Variants in MAP2K5 observed in about 807,000 individuals in gnomAD.
MAP2K5 encodes mitogen-activated protein kinase kinase 5.
A neutral mutation model predicts 83.1 loss-of-function variants in MAP2K5; 49 were observed. The ratio of observed to expected loss-of-function variants is 0.59; its 90% CI spans 0.47 to 0.75. MAP2K5 has a LOEUF of 0.75. Ranked by LOEUF, MAP2K5 falls within the 30% of genes least tolerant of loss-of-function variation. The pLI is 0.00. For synonymous variants in MAP2K5, 202 were observed against 191.8 expected (o/e 1.05, Z -0.44); for missense variants, 457 against 557.5 (o/e 0.82, Z 1.82).
At chr15:67,630,262 A>C (rs1936896013) in intron 8 of MAP2K5, among the ~76,000 whole-genome samples, 1 of 152,194 alleles carries the variant, frequency 6.6e-6, no homozygotes, top group South Asian at 2.1e-4. Flanking sequence ...TCAGATAAAC[A>C]CAAAAGGTCT....
chr15:67,674,304 G>A (rs1661833623), intron 13 of MAP2K5, among the ~76,000 whole-genome samples: 1 of 152,024 alleles, frequency 6.6e-6, no homozygotes, highest in Non-Finnish European at 1.5e-5. Context: ...TAATCAGATG[G>A]GTCTGGAAGG....
chr15:67,610,289 C>T (rs1324337138), intron 8 of MAP2K5, among the ~76,000 whole-genome samples: 1 of 152,158 alleles, frequency 6.6e-6, no homozygotes, highest in Non-Finnish European at 1.5e-5. Context: ...ACAGTTATGA[C>T]AACATAACTT....
chr15:67,583,679 G>A lies in MAP2K5; in HGVS notation c.323-2211G>A, dbSNP rs2085231466. Among the ~76,000 whole-genome samples the A allele has an allele frequency of 3.3e-5, 5 of 152,184 alleles. No individual in the cohort carries two copies. The South Asian group carries it at 1.0e-3, about 32-fold the overall frequency. ...CCTCAGATCTTAAATTTTATGGTTA[G>A]GCCCCATGTTAAAAAGAATCTTTAG... On this transcript the variant is annotated intron_variant, in intron 4 of 21. Transcript: ENST00000178640.
intron 3 of MAP2K5, among the ~76,000 whole-genome samples, chr15:67,570,152 G>T (rs1248821266): frequency 6.6e-6 from 1 of 152,210 alleles, no homozygotes; most frequent in Non-Finnish European, 1.5e-5. Flanking sequence ...TAGCCAATTT[G>T]AATTTCATCT....
intron 17 of MAP2K5, among the ~76,000 whole-genome samples, chr15:67,743,496 T>C (rs1418192617): frequency 2.6e-5 from 4 of 152,254 alleles, no homozygotes; most frequent in African/African-American, 4.8e-5. Flanking sequence ...TCTTCACATA[T>C]CAGTTTGCTA....
intron 1 of MAP2K5, among the ~76,000 whole-genome samples, chr15:67,545,148 T>C (rs2084366357): frequency 6.6e-6 from 1 of 152,204 alleles, no homozygotes; most frequent in African/African-American, 2.4e-5. Context: ...CACCTGTCCT[T>C]CCAAGCCAAG....
rs2090564224 is a variant in MAP2K5 at position 67,794,110 on chromosome 15, G to C, written c.1243-12536G>C. Among the ~76,000 whole-genome samples, 1 of 152,226 alleles carries C rather than the reference G, an allele frequency of 6.6e-6. No homozygotes were observed. Among genetic ancestry groups the C allele is most frequent in the Non-Finnish European group, 1.5e-5 (1 of 68,038 alleles). ...TGGCCAGCTTATTTGTAACCAAAGT[G>C]TGCTCCCTCAGTCATTCATTCTGCC... On this transcript the variant is annotated intron_variant, in intron 21 of 21. Coordinates refer to ENST00000178640, the MANE Select transcript of MAP2K5 (RefSeq NM_145160.3). This position sits in a 1 kb window ranked among gnomAD's most constrained non-coding sequence, Gnocchi z 4.6.
rs1215507710 is a variant in MAP2K5, at chr15:67,775,704, T to A, written c.1242+2952T>A. The stretch of plus-strand genomic sequence containing the variant: ...TCTGGGGAAATGAGGAAAAACTGGG[T>A]AGAGAAGGTAGCATTTGAAAAGGGC... On this transcript the variant is annotated intron_variant, in intron 21 of 21. Coordinates refer to ENST00000178640, the MANE Select transcript of MAP2K5 (RefSeq NM_145160.3). The surrounding 1 kb of genome is among the most constrained non-coding windows in gnomAD (Gnocchi z 5.3). Among the ~76,000 whole-genome samples the A allele has an allele frequency of 6.6e-6, 1 of 152,122 alleles. No individual in the cohort carries two copies. The highest frequency in any genetic ancestry group is 2.4e-5 in the African/African-American group (1 of 41,418).
chr15:67,637,298 A>G lies in MAP2K5; in HGVS notation c.585+6371A>G, dbSNP rs1014194073. On this transcript the variant is annotated intron_variant, in intron 9 of 21. Coordinates refer to ENST00000178640, the MANE Select transcript of MAP2K5 (RefSeq NM_145160.3). This position sits in a 1 kb window ranked among gnomAD's most constrained non-coding sequence, Gnocchi z 4.5. ...CCTATTAGTTCTGTCCCTCTAGAGA[A>G]CCCTGACTAATACAGAGATGGTATT... 4.6e-5 allele frequency among the ~76,000 whole-genome samples: 7 copies of G among 152,138 alleles called. No homozygotes were observed. The highest frequency in any genetic ancestry group is 1.7e-4 in the African/African-American group (7 of 41,418).
chr15:67,640,802 C>T lies in MAP2K5; in HGVS notation c.586-5429C>T, dbSNP rs569594369. Among the ~76,000 whole-genome samples, 2 of 152,148 alleles carry T rather than the reference C, an allele frequency of 1.3e-5. No homozygotes were observed. The highest frequency in any genetic ancestry group is 1.9e-4 in the East Asian group (1 of 5,184). On this transcript the variant is annotated intron_variant, in intron 9 of 21. Transcript: ENST00000178640. This position sits in a 1 kb window ranked among gnomAD's most constrained non-coding sequence, Gnocchi z 4.6. ...AGACTTCTGAGGTAGGAATATATTA[C>T]AAGATATTTTTAAAAGAAGTTGAAT...
intron 9 of MAP2K5, among the ~76,000 whole-genome samples, chr15:67,639,215 C>T (rs2086662559): frequency 1.3e-5 from 2 of 152,132 alleles, no homozygotes; most frequent in South Asian, 4.1e-4. Context: ...AAAAATTTTG[C>T]GAACTATGCA....
chr15:67,748,205 G>A lies in MAP2K5; in HGVS notation c.1075-26G>A. On this transcript the variant is annotated intron_variant, in intron 17 of 21. Transcript: ENST00000178640. This position sits in a 1 kb window ranked among gnomAD's most constrained non-coding sequence, Gnocchi z 4.0. Reference sequence around the variant, plus strand: ...AAGTGAGTCATTTTGATTATGACATGCTAATTACATATTGCCTTTTTTCAG... The same window carrying A: ...AAGTGAGTCATTTTGATTATGACATACTAATTACATATTGCCTTTTTTCAG... 3 of 1,569,580 alleles carry A rather than the reference G, an allele frequency of 1.9e-6. No individual in the cohort carries two copies. Among genetic ancestry groups the A allele is most frequent in the Non-Finnish European group, 2.6e-6 (3 of 1,140,594 alleles).
At chr15:67,701,319 A>C (rs1388512787) in intron 15 of MAP2K5, among the ~76,000 whole-genome samples, 1 of 152,224 alleles carries the variant, frequency 6.6e-6, no homozygotes, top group Non-Finnish European at 1.5e-5. Flanking sequence ...TGCAGTAAAC[A>C]TGTATTACAT....
chr15:67,566,818 CTT>C lies in MAP2K5; in HGVS notation c.252+3469_252+3470del, dbSNP rs2140971286. ...AAAATGTTGCCTTTTTAATTGAAAA[CTT>C]ATCAATTATTTAAATCACTAGCAGC... On this transcript the variant is annotated intron_variant, in intron 3 of 21. Coordinates refer to ENST00000178640, the MANE Select transcript of MAP2K5 (RefSeq NM_145160.3). Among the ~76,000 whole-genome samples, 2 of 152,258 alleles carry C rather than the reference CTT, an allele frequency of 1.3e-5. 1 individual carries two copies. Among genetic ancestry groups the C allele is most frequent in the South Asian group, 4.1e-4 (2 of 4,830 alleles).
chr15:67,738,830 G>A lies in MAP2K5; in HGVS notation c.1075-9401G>A, dbSNP rs1386596538. On this transcript the variant is annotated intron_variant, in intron 17 of 21. Coordinates refer to ENST00000178640, the MANE Select transcript of MAP2K5 (RefSeq NM_145160.3). This position sits in a 1 kb window ranked among gnomAD's most constrained non-coding sequence, Gnocchi z 4.1. ...GCTGGACAGGATATTTCTATGGTCT[G>A]CTTTCACCTTAGATGAGCAGCTTCC... is the stretch of plus-strand genomic sequence containing the variant. Among the ~76,000 whole-genome samples the A allele has an allele frequency of 6.6e-6, 1 of 152,142 alleles. No individual in the cohort carries two copies.
rs1357689407 is a variant in MAP2K5 at position 67,778,015 on chromosome 15, GA to G, written c.1242+5264del. ...AGTTAAAATCAGAATAGCGCTCTTG[GA>G]TTTTTTTCCTTCATGTCATCCCAGC... On this transcript the variant is annotated intron_variant, in intron 21 of 21. Transcript: ENST00000178640. This position sits in a 1 kb window ranked among gnomAD's most constrained non-coding sequence, Gnocchi z 5.0. Among the ~76,000 whole-genome samples, 6 of 152,272 alleles carry G rather than the reference GA, an allele frequency of 3.9e-5. No individual in the cohort carries two copies. In the East Asian group the frequency reaches 1.2e-3, roughly 29 times the overall value.
At chr15:67,583,928 T>G (rs143807443) in intron 4 of MAP2K5, among the ~76,000 whole-genome samples, 1 of 151,726 alleles carries the variant, frequency 6.6e-6, no homozygotes, top group Non-Finnish European at 1.5e-5. Flanking sequence ...TTTAATTTTT[T>G]AATAGCGACA....
intron 13 of MAP2K5, among the ~76,000 whole-genome samples, chr15:67,679,324 A>G (rs533579425): frequency 6.6e-6 from 1 of 152,280 alleles, no homozygotes; most frequent in South Asian, 2.1e-4. Context: ...TGAGGCAGTT[A>G]TGGGTGGCAA....
chr15:67,568,685 T>G (rs1282198764), intron 3 of MAP2K5, among the ~76,000 whole-genome samples: 2 of 152,062 alleles, frequency 1.3e-5, no homozygotes, highest in Non-Finnish European at 2.9e-5. Context: ...AAAATGTCAC[T>G]GTACTTGAGT....
Sources: gnomAD v4.1 joint callset for allele counts (sites outside exome capture counted in the v4.1 genomes callset) on GRCh38, gnomAD v4.1.1 for gene constraint, Gnocchi (gnomAD v3.1) non-coding constraint, MANE v1.5 for transcripts, NCBI Gene and HGNC (gene_info 2026-07-23, HGNC 2026-07-21) for gene names.